ASZ1: variants seen among roughly 807,000 people sequenced by gnomAD.
ASZ1 encodes ankyrin repeat, SAM and basic leucine zipper domain-containing protein 1.
Under a neutral mutation model 61.8 loss-of-function variants are expected in ASZ1, and 67 were observed. The ratio of observed to expected loss-of-function variants is 1.08; its 90% CI spans 0.89 to 1.33. The LOEUF (loss-of-function observed/expected upper bound fraction) is 1.33, where lower values mean the gene tolerates loss of function less well. ASZ1 is among the 40% of genes most tolerant of loss of function. The pLI, the probability that ASZ1 is intolerant of heterozygous loss-of-function variation, is 0.00. For synonymous variants in ASZ1, 193 were observed against 192.7 expected, an observed-to-expected ratio of 1.00 and a Z score of -0.01; for missense variants, 577 against 554.5, an observed-to-expected ratio of 1.04 and a Z score of -0.41.
At chr7:117,364,478 G>C (rs563136992) in intron 12 of ASZ1, among the ~76,000 whole-genome samples, 1 of 151,972 alleles carries the variant, frequency 6.6e-6, no homozygotes, top group Non-Finnish European at 1.5e-5. Flanking sequence ...AAGACTTAAA[G>C]AGGGAGGGCT....
Position 117,420,267 on chromosome 7 carries a change from T to G in ASZ1, c.336A>C (p.Gln112His), listed in dbSNP as rs750511705. The G allele has an allele frequency of 3.7e-6, 6 of 1,611,512 alleles. No homozygotes were observed. The South Asian group carries it at 6.6e-5, about 18-fold the overall frequency. Residue 112 changes from glutamine to histidine, a missense_variant, in exon 4 of 13, where the codon CAA becomes CAC. Gln to His is a conservative substitution (Grantham distance 24). Coordinates refer to ENST00000284629, the MANE Select transcript of ASZ1 (RefSeq NM_130768.3). ...CAGAACATGCAGTTATCAAAATACTTTGCTTATCTATAGTGAATAGAAAAG... is the reference window on the plus strand; with the variant it reads ...CAGAACATGCAGTTATCAAAATACTGTGCTTATCTATAGTGAATAGAAAAG... The part of the protein sequence containing the change: ...GANASFEKDK[Q>H]SILITACSAH...
chr7:117,415,568 A>G (rs1307821561), intron 4 of ASZ1, among the ~76,000 whole-genome samples: 2 of 152,196 alleles, frequency 1.3e-5, no homozygotes, highest in Non-Finnish European at 2.9e-5. Flanking sequence ...GTCTCTTACT[A>G]TGCCTAACTT....
rs1343852598 is a variant in ASZ1, at chr7:117,427,415, C to T, written c.46G>A (p.Glu16Lys). 1.2e-6 allele frequency: 2 copies of T among 1,614,058 alleles called. No individual in the cohort carries two copies. Among genetic ancestry groups the T allele is most frequent in the East Asian group, 2.2e-5 (1 of 44,872 alleles). ...LRGLPVAGGG[E>K]SSESEDDGWE... ...CCATCATCCTCGCTCTCGCTACTCT[C>T]GCCTCCGCCAGCCACTGGCAGGCCT... The change falls in exon 1 of 13, where the codon GAG becomes AAG. Residue 16 changes from glutamate to lysine, a missense_variant. By Grantham distance (56) the Glu-to-Lys change is moderately conservative. Coordinates refer to ENST00000284629, the MANE Select transcript of ASZ1 (RefSeq NM_130768.3).
intron 9 of ASZ1, 109 bp downstream of exon 9, chr7:117,380,902 G>A (rs1387922566): frequency 1.1e-6 from 1 of 943,858 alleles, no homozygotes; most frequent in Non-Finnish European, 1.6e-6. Flanking sequence ...CACAGTAGAA[G>A]ATCAATCTTT....
intron 2 of ASZ1, among the ~76,000 whole-genome samples, chr7:117,426,507 A>G (rs998627399): frequency 2.1e-4 from 31 of 149,268 alleles, no homozygotes; most frequent in African/African-American, 5.4e-4. Flanking sequence ...AAAAAAAAAA[A>G]AAAGAAAAAG....
chr7:117,366,782 C>G (rs1795948977), intron 12 of ASZ1, among the ~76,000 whole-genome samples: 1 of 152,132 alleles, frequency 6.6e-6, no homozygotes, highest in Admixed American at 6.5e-5. Flanking sequence ...ACAATCGTGT[C>G]TCTTTAACAG....
chr7:117,374,396 T>C lies in ASZ1; in HGVS notation c.1055+5542A>G, dbSNP rs538183257. 2.6e-5 allele frequency among the ~76,000 whole-genome samples: 4 copies of C among 152,198 alleles called. No homozygotes were observed. In the South Asian group the frequency reaches 6.2e-4, roughly 24 times the overall value. On this transcript the variant is annotated intron_variant, in intron 10 of 12. Coordinates refer to ENST00000284629, the MANE Select transcript of ASZ1 (RefSeq NM_130768.3). ...GTCATGTCCCAGGCAATGGATAACA[T>C]GGTTAATATATACACCAAGCTCCTT... is the stretch of plus-strand genomic sequence containing the variant.
At chr7:117,363,955 T>C (rs1795879651) in intron 12 of ASZ1, among the ~76,000 whole-genome samples, 1 of 152,174 alleles carries the variant, frequency 6.6e-6, no homozygotes, top group Non-Finnish European at 1.5e-5. Context: ...TGTAAATCAT[T>C]AGTTTTACAT....
At chr7:117,367,787 A>T in intron 11 of ASZ1, 1 of 976,762 alleles carries the variant, frequency 1.0e-6, no homozygotes, top group African/African-American at 1.7e-5. Context: ...TTATATAAAA[A>T]TCACTGGAAA....
At chr7:117,402,513 A>C (rs1796699225) in intron 4 of ASZ1, among the ~76,000 whole-genome samples, 1 of 152,160 alleles carries the variant, frequency 6.6e-6, no homozygotes, top group African/African-American at 2.4e-5. Flanking sequence ...CCTCAGGGTA[A>C]CTGGCTATGT....
intron 4 of ASZ1, among the ~76,000 whole-genome samples, chr7:117,397,800 C>T (rs973952882): frequency 1.3e-5 from 2 of 151,702 alleles, no homozygotes; most frequent in Non-Finnish European, 2.9e-5. Context: ...CTCTCTGTTC[C>T]ACTAAGTCTC....
chr7:117,381,748 G>T (rs1485846829), intron 8 of ASZ1, among the ~76,000 whole-genome samples: 1 of 152,020 alleles, frequency 6.6e-6, no homozygotes, highest in Non-Finnish European at 1.5e-5. Flanking sequence ...GATACCAGGT[G>T]TTTGGTTTAA....
chr7:117,372,019 G>A (rs1032117544), intron 10 of ASZ1, among the ~76,000 whole-genome samples: 4 of 152,090 alleles, frequency 2.6e-5, no homozygotes, highest in African/African-American at 9.7e-5. Context: ...CACTGAATAT[G>A]GATGGACAAA....
At chr7:117,368,778 T>C in intron 10 of ASZ1, 61 bp from the exon 11 acceptor site, 1 of 1,595,282 alleles carries the variant, frequency 6.3e-7, no homozygotes, top group Non-Finnish European at 8.5e-7. Flanking sequence ...TATTTCATTC[T>C]ACTAGGCAAG....
chr7:117,363,497 A>G lies in ASZ1; in HGVS notation c.*99T>C. The G allele has an allele frequency of 9.3e-7, 1 of 1,075,124 alleles. No homozygotes were observed. The allele number at this position is 1,075,124 out of a possible 1,614,324, so 66.6% of individuals were successfully genotyped here. ...AAAATTTTTCCTATGGAATATTGGC[A>G]AAGAATGTAAAGTTATATTGTGCTG... On this transcript the variant is annotated 3_prime_UTR_variant, in exon 13 of 13. Transcript: ENST00000284629.
intron 2 of ASZ1, among the ~76,000 whole-genome samples, chr7:117,425,255 ATTTCT>A (rs1797175024): frequency 1.2e-5 from 1 of 86,730 alleles, no homozygotes; most frequent in South Asian, 4.6e-4. Flanking sequence ...CCTTTGAGTA[ATTTCT>A]TTTTTTTTTT....
Position 117,420,265 on chromosome 7 carries a change from C to T in ASZ1, c.338G>A (p.Ser113Asn). 1 of 1,611,284 alleles carries T rather than the reference C, an allele frequency of 6.2e-7. No homozygotes were observed. The highest frequency in any genetic ancestry group is 8.5e-7 in the Non-Finnish European group (1 of 1,179,086). ...ANASFEKDKQ[S>N]ILITACSAHG... Reference sequence around the variant, plus strand: ...AGCAGAACATGCAGTTATCAAAATACTTTGCTTATCTATAGTGAATAGAAA... The same window carrying T: ...AGCAGAACATGCAGTTATCAAAATATTTTGCTTATCTATAGTGAATAGAAA... The change falls in exon 4 of 13, where the codon AGT becomes AAT. Residue 113 changes from serine to asparagine, a missense_variant. By Grantham distance (46) the Ser-to-Asn change is conservative. Coordinates refer to ENST00000284629, the MANE Select transcript of ASZ1 (RefSeq NM_130768.3).
At chr7:117,423,165 G>A (rs1318136346) in intron 2 of ASZ1, among the ~76,000 whole-genome samples, 1 of 152,132 alleles carries the variant, frequency 6.6e-6, no homozygotes, top group East Asian at 1.9e-4. Flanking sequence ...ATGACAAGCA[G>A]TGAGCTAAAA....
chr7:117,393,792 T>G (rs1796523358), intron 4 of ASZ1, among the ~76,000 whole-genome samples: 1 of 152,290 alleles, frequency 6.6e-6, no homozygotes, highest in East Asian at 1.9e-4. Context: ...TAAATACATG[T>G]TTCCATGTCT....
Sources: allele counts gnomAD v4.1 joint callset (sites outside exome capture counted in the v4.1 genomes callset), GRCh38; gene constraint gnomAD v4.1.1; transcripts MANE v1.5; gene names NCBI Gene and HGNC (gene_info 2026-07-23, HGNC 2026-07-21).